The following LPCAT1 variants were observed in gnomAD, a reference collection of about 807,000 sequenced individuals.
The protein encoded by LPCAT1 is lysophosphatidylcholine acyltransferase 1.
LPCAT1 carries 23 observed loss-of-function variants against 60.9 expected under a neutral mutation model. The observed-to-expected ratio is 0.38, with a 90% CI of 0.27 to 0.53. The LOEUF (loss-of-function observed/expected upper bound fraction) is 0.53, where lower values mean the gene tolerates loss of function less well. Ranked by LOEUF, LPCAT1 falls within the 20% of genes least tolerant of loss-of-function variation. The pLI is 0.82. For missense variants in LPCAT1, 622 were observed against 723.6 expected (o/e 0.86, Z 1.61); for synonymous variants, 340 against 301.1 (o/e 1.13, Z -1.34).
chr5:1,521,545 T>C lies in LPCAT1; in HGVS notation c.135+2165A>G. The stretch of plus-strand genomic sequence containing the variant: ...AAGCAATGCTTGGTGAAAAGCAAAA[T>C]GTTTCTGCAGAGAACTTTGAGAACG... On this transcript the variant is annotated intron_variant, in intron 1 of 13. Transcript: ENST00000283415. The surrounding 1 kb of genome is among the most constrained non-coding windows in gnomAD (Gnocchi z 4.3). 1.1e-6 allele frequency: 1 copy of C among 928,640 alleles called. No individual in the cohort carries two copies. The highest frequency in any genetic ancestry group is 1.3e-6 in the Non-Finnish European group (1 of 778,220). The allele number at this position is 928,640 out of a possible 1,614,324, so 57.5% of individuals were successfully genotyped here.
intron 1 of LPCAT1, among the ~76,000 whole-genome samples, chr5:1,509,352 G>A (rs73033827): frequency 3.4e-4 from 52 of 152,356 alleles, no homozygotes; most frequent in African/African-American, 1.2e-3. Context: ...CAGGATATGC[G>A]ACAGTGCGCT....
intron 12 of LPCAT1, 45 bp from the exon 13 acceptor site, chr5:1,466,935 C>A: frequency 6.7e-7 from 1 of 1,483,266 alleles, no homozygotes; most frequent in Non-Finnish European, 9.0e-7. Flanking sequence ...CTCCCCTGCC[C>A]ACCAGGCCCC....
rs1736668931 is a variant in LPCAT1 at position 1,521,257 on chromosome 5, G to A, written c.135+2453C>T. The A allele has an allele frequency of 7.1e-6, 6 of 844,426 alleles. No individual in the cohort carries two copies. The highest frequency in any genetic ancestry group is 8.6e-6 in the Non-Finnish European group (6 of 701,702). The allele number at this position is 844,426 out of a possible 1,614,324, so 52.3% of individuals were successfully genotyped here. A position where few individuals can be genotyped will look rare whatever the true frequency, so the allele number is the denominator to read the frequency against. ...TTAAATGACAGATGGGCTGGCTGGA[G>A]GAGGAGGTGTCCCCGCATGGCGCTA... On this transcript the variant is annotated intron_variant, in intron 1 of 13. Coordinates refer to ENST00000283415, the MANE Select transcript of LPCAT1 (RefSeq NM_024830.5). This position sits in a 1 kb window ranked among gnomAD's most constrained non-coding sequence, Gnocchi z 4.3.
intron 13 of LPCAT1, among the ~76,000 whole-genome samples, chr5:1,465,958 T>C (rs1172660498): frequency 1.3e-5 from 2 of 152,224 alleles, no homozygotes; most frequent in Non-Finnish European, 2.9e-5. Flanking sequence ...CTGAAACCAG[T>C]GCGCACATCC....
chr5:1,512,823 A>ATTC (rs1298227923), intron 1 of LPCAT1, among the ~76,000 whole-genome samples: 1 of 152,256 alleles, frequency 6.6e-6, no homozygotes, highest in Non-Finnish European at 1.5e-5. Context: ...ACGCTTACTC[A>ATTC]TTCTGCAGAC....
intron 1 of LPCAT1, among the ~76,000 whole-genome samples, chr5:1,501,814 C>G (rs546757155): frequency 8.5e-5 from 13 of 152,124 alleles, no homozygotes; most frequent in Non-Finnish European, 1.9e-4. Flanking sequence ...CCGGCGCTGA[C>G]CAAGGCTAAC....
intron 1 of LPCAT1, among the ~76,000 whole-genome samples, chr5:1,505,497 G>A (rs1286463115): frequency 6.6e-6 from 1 of 152,226 alleles, no homozygotes; most frequent in African/African-American, 2.4e-5. Context: ...GGGGAGCAGC[G>A]CCCCATCCCC....
chr5:1,472,891 G>A (rs906126907), intron 11 of LPCAT1, among the ~76,000 whole-genome samples: 24 of 152,250 alleles, frequency 1.6e-4, no homozygotes, highest in African/African-American at 4.8e-4. Flanking sequence ...CCTCTGGTGC[G>A]TGTGGGAGAA....
Position 1,477,674 on chromosome 5 carries a change from G to A in LPCAT1, c.817-188C>T, listed in dbSNP as rs1358085946. Among the ~76,000 whole-genome samples, 2 of 152,200 alleles carry A rather than the reference G, an allele frequency of 1.3e-5. No individual in the cohort carries two copies. Among genetic ancestry groups the A allele is most frequent in the African/African-American group, 2.4e-5 (1 of 41,452 alleles). ...CCCCCATGATGCATGAACTGCACAC[G>A]TGTGCACCTGAACACTCACCCTCAT... On this transcript the variant is annotated intron_variant, in intron 8 of 13. Coordinates refer to ENST00000283415, the MANE Select transcript of LPCAT1 (RefSeq NM_024830.5). This position sits in a 1 kb window ranked among gnomAD's most constrained non-coding sequence, Gnocchi z 6.0.
At chr5:1,518,049 C>T (rs1736559086) in intron 1 of LPCAT1, among the ~76,000 whole-genome samples, 2 of 152,226 alleles carry the variant, frequency 1.3e-5, no homozygotes, top group Non-Finnish European at 2.9e-5. Context: ...GAAGTGAACC[C>T]GCAGGGCTGA....
At chr5:1,482,216 T>C (rs532724036) in intron 6 of LPCAT1, among the ~76,000 whole-genome samples, 1 of 151,712 alleles carries the variant, frequency 6.6e-6, no homozygotes, top group Non-Finnish European at 1.5e-5. Flanking sequence ...CGGGAGTCAT[T>C]GCTGTGGAAG....
In LPCAT1 at chr5:1,483,078, G is replaced by A. The variant is rs1735223449; in HGVS notation, c.726+350C>T. 6.6e-6 allele frequency among the ~76,000 whole-genome samples: 1 copy of A among 152,192 alleles called. No individual in the cohort carries two copies. The highest frequency in any genetic ancestry group is 1.5e-5 in the Non-Finnish European group (1 of 68,022). ...GGGGCCCTGGCCGGTGATGTGGGGT[G>A]GAGGGGTTCCCTCTCCAAAATGTCA... On this transcript the variant is annotated intron_variant, in intron 6 of 13. Coordinates refer to ENST00000283415, the MANE Select transcript of LPCAT1 (RefSeq NM_024830.5). The surrounding 1 kb of genome is among the most constrained non-coding windows in gnomAD (Gnocchi z 9.2).
chr5:1,497,927 G>T (rs1016459124), intron 2 of LPCAT1, among the ~76,000 whole-genome samples: 2 of 152,242 alleles, frequency 1.3e-5, no homozygotes, highest in Non-Finnish European at 2.9e-5. Flanking sequence ...CGTGGTCAAG[G>T]ATTCAGCGCC....
chr5:1,469,790 A>T lies in LPCAT1; in HGVS notation c.1278+1036T>A, dbSNP rs968532536. On this transcript the variant is annotated intron_variant, in intron 12 of 13. Transcript: ENST00000283415. The stretch of plus-strand genomic sequence containing the variant: ...AGCGAGACTCCATCTCACAAAAATT[A>T]AAAAAAAAAAAACAACAGGGCACAG... Among the ~76,000 whole-genome samples, 9 of 142,250 alleles carry T rather than the reference A, an allele frequency of 6.3e-5. No homozygotes were observed. The South Asian group carries it at 1.3e-3, about 21-fold the overall frequency. The allele number at this position is 142,250 out of a possible 152,430, so 93.3% of individuals were successfully genotyped here. A position where few individuals can be genotyped will look rare whatever the true frequency, so the allele number is the denominator to read the frequency against.
In LPCAT1 at chr5:1,502,144, C is replaced by A. The variant is rs374493142; in HGVS notation, c.136-541G>T. Among the ~76,000 whole-genome samples the A allele has an allele frequency of 1.5e-3, 225 of 152,310 alleles. No individual in the cohort carries two copies. The highest frequency in any genetic ancestry group is 5.0e-3 in the African/African-American group (209 of 41,578). Reference sequence around the variant, plus strand: ...CTGCCTCCTTACTGGAGCTGCCATGCGAGTGGCTTGGGAAAGACACAGTGG... The same window carrying A: ...CTGCCTCCTTACTGGAGCTGCCATGAGAGTGGCTTGGGAAAGACACAGTGG... On this transcript the variant is annotated intron_variant, in intron 1 of 13. Transcript: ENST00000283415. The surrounding 1 kb of genome is among the most constrained non-coding windows in gnomAD (Gnocchi z 5.5).
chr5:1,494,416 G>T (rs57913679), intron 3 of LPCAT1, among the ~76,000 whole-genome samples: 2 of 148,022 alleles, frequency 1.4e-5, no homozygotes, highest in South Asian at 2.3e-4. Flanking sequence ...CAGCGTGGTG[G>T]GGGGGGGGTC....
chr5:1,519,935 C>T (rs1424490944), intron 1 of LPCAT1, among the ~76,000 whole-genome samples: 3 of 152,180 alleles, frequency 2.0e-5, no homozygotes, highest in South Asian at 4.1e-4. Context: ...GTGCTCCCAC[C>T]GGGTACACTG....
intron 13 of LPCAT1, 47 bp from the exon 14 acceptor site, chr5:1,463,882 T>C (rs201832191): frequency 2.5e-6 from 4 of 1,593,076 alleles, no homozygotes; most frequent in East Asian, 4.5e-5. Flanking sequence ...GACGAGCAAA[T>C]GTCTAGGATT....
chr5:1,502,382 T>G lies in LPCAT1; in HGVS notation c.136-779A>C, dbSNP rs1443263920. ...AGTGTTGGTGACAGGGGGAGGTAGC[T>G]GGCCTGCAGTTTGCAAGGTTGGACC... On this transcript the variant is annotated intron_variant, in intron 1 of 13. Transcript: ENST00000283415. The surrounding 1 kb of genome is among the most constrained non-coding windows in gnomAD (Gnocchi z 5.5). Among the ~76,000 whole-genome samples, 1 of 152,180 alleles carries G rather than the reference T, an allele frequency of 6.6e-6. No homozygotes were observed. Among genetic ancestry groups the G allele is most frequent in the African/African-American group, 2.4e-5 (1 of 41,444 alleles).
Sources: allele counts gnomAD v4.1 joint callset (sites outside exome capture counted in the v4.1 genomes callset), GRCh38; gene constraint gnomAD v4.1.1; non-coding constraint Gnocchi (gnomAD v3.1); transcripts MANE v1.5; gene names NCBI Gene and HGNC (gene_info 2026-07-23, HGNC 2026-07-21).